The following NOVA2 variants were observed in gnomAD, a reference collection of about 807,000 sequenced individuals.
The protein encoded by NOVA2 is RNA-binding protein Nova-2.
NOVA2 carries 9 observed loss-of-function variants against 22.5 expected under a neutral mutation model. That is an observed-to-expected ratio of 0.40 (90% CI 0.24 to 0.70). NOVA2 has a LOEUF of 0.70. Among genes scored for constraint, NOVA2 ranks in the 30% least tolerant of loss-of-function variants. The probability of loss-of-function intolerance (pLI) is 0.38; values close to 1 mark genes in which losing one functional copy is unlikely to be tolerated. For synonymous variants in NOVA2, 318 were observed against 335.2 expected, an observed-to-expected ratio of 0.95 and a Z score of 0.56; for missense variants, 383 against 682.8, an observed-to-expected ratio of 0.56 and a Z score of 4.89.
chr19:45,943,717 C>CAA (rs35569023), intron 3 of NOVA2, among the ~76,000 whole-genome samples: 15 of 125,246 alleles, frequency 1.2e-4, no homozygotes, highest in Admixed American at 4.9e-4. Flanking sequence ...AACCCTGACT[C>CAA]AAAAAAAAAA....
At position 45,936,913 on chromosome 19, in the gene NOVA2, T is replaced by A. The variant is rs1232723171; in HGVS notation, c.*2950A>T. ...CGGGGAAAAAAAAAGAGATGATGGG[T>A]TTTTCAATAATCCTCATCCCTGACC... On this transcript the variant is annotated 3_prime_UTR_variant, in exon 4 of 4. Coordinates refer to ENST00000263257, the MANE Select transcript of NOVA2 (RefSeq NM_002516.4). 1 of 149,810 alleles carries A rather than the reference T, an allele frequency of 6.7e-6. No individual in the cohort carries two copies. Among genetic ancestry groups the A allele is most frequent in the Non-Finnish European group, 1.5e-5 (1 of 67,488 alleles). The allele number at this position is 149,810 out of a possible 1,614,324, so 9.3% of individuals were successfully genotyped here.
At chr19:45,941,159 G>T (rs1415394665) in intron 3 of NOVA2, among the ~76,000 whole-genome samples, 1 of 151,924 alleles carries the variant, frequency 6.6e-6, no homozygotes, top group African/African-American at 2.4e-5. Flanking sequence ...CTGTGTGTTG[G>T]CACATGCCTG....
At chr19:45,971,892 G>A (rs1008548401) in intron 1 of NOVA2, among the ~76,000 whole-genome samples, 16 of 151,954 alleles carry the variant, frequency 1.1e-4, no homozygotes, top group Middle Eastern at 3.2e-3. Flanking sequence ...AGAGTTCCCA[G>A]CTCGGCTTTT....
intron 3 of NOVA2, among the ~76,000 whole-genome samples, chr19:45,943,027 G>A (rs945078192): frequency 1.3e-5 from 2 of 149,720 alleles, no homozygotes; most frequent in African/African-American, 4.9e-5. Flanking sequence ...TCACAAGAAA[G>A]AGCTGTCCCA....
At chr19:45,946,315 T>A (rs780246565) in intron 3 of NOVA2, among the ~76,000 whole-genome samples, 5 of 152,082 alleles carry the variant, frequency 3.3e-5, no homozygotes, top group Admixed American at 6.6e-5. Flanking sequence ...GAAAAAGGAA[T>A]CTTCATTTAT....
In NOVA2 at chr19:45,934,029, G is replaced by A. The variant is rs1278270142; in HGVS notation, c.*5834C>T. ...AGGATGGAAGGAATCAGTTAGAGGG[G>A]GTTGAATGGAGGCACTGGAGGCATG... On this transcript the variant is annotated 3_prime_UTR_variant, in exon 4 of 4. Transcript: ENST00000263257. 1 of 152,470 alleles carries A rather than the reference G, an allele frequency of 6.6e-6. No individual in the cohort carries two copies. The highest frequency in any genetic ancestry group is 1.5e-5 in the Non-Finnish European group (1 of 68,252). The allele number at this position is 152,470 out of a possible 1,614,324, so 9.4% of individuals were successfully genotyped here. A position where few individuals can be genotyped will look rare whatever the true frequency, so the allele number is the denominator to read the frequency against.
intron 2 of NOVA2, among the ~76,000 whole-genome samples, chr19:45,958,348 A>C (rs1329587125): frequency 2.0e-5 from 3 of 149,776 alleles, no homozygotes; most frequent in Non-Finnish European, 3.0e-5. Context: ...GTAGACACCC[A>C]AGTGCTGTGT....
intron 1 of NOVA2, among the ~76,000 whole-genome samples, chr19:45,965,403 G>T (rs1193580255): frequency 6.6e-6 from 1 of 152,108 alleles, no homozygotes; most frequent in Non-Finnish European, 1.5e-5. Flanking sequence ...GAGAATTTTT[G>T]TATGAAACAG....
intron 3 of NOVA2, among the ~76,000 whole-genome samples, chr19:45,948,665 C>G (rs1967878662): frequency 6.6e-6 from 1 of 151,474 alleles, no homozygotes; most frequent in African/African-American, 2.4e-5. Context: ...ATTGTTATCC[C>G]CATGGATGGA....
intron 2 of NOVA2, among the ~76,000 whole-genome samples, chr19:45,958,724 A>G (rs894147504): frequency 6.6e-6 from 1 of 152,082 alleles, no homozygotes; most frequent in Non-Finnish European, 1.5e-5. Context: ...CAGTTTCTCC[A>G]CTGTCATTTC....
chr19:45,955,989 C>T lies in NOVA2; in HGVS notation c.230-2043G>A, dbSNP rs185304623. Among the ~76,000 whole-genome samples, 402 of 152,328 alleles carry T rather than the reference C, an allele frequency of 2.6e-3. 1 individual carries two copies. The highest frequency in any genetic ancestry group is 0.01 in the Middle Eastern group (3 of 294). ...GTCCAGCAAGCACTTCAGTGCAGCA[C>T]GCTGGTGACACGACCCTGACTCCTC... On this transcript the variant is annotated intron_variant, in intron 2 of 3. Coordinates refer to ENST00000263257, the MANE Select transcript of NOVA2 (RefSeq NM_002516.4).
At chr19:45,952,726 G>A (rs1967944268) in intron 3 of NOVA2, among the ~76,000 whole-genome samples, 1 of 152,188 alleles carries the variant, frequency 6.6e-6, no homozygotes, top group Non-Finnish European at 1.5e-5. Flanking sequence ...CGGGGAGCGA[G>A]GAGCTTCAGC....
At chr19:45,962,010 C>T (rs868135531) in intron 1 of NOVA2, among the ~76,000 whole-genome samples, 3 of 152,014 alleles carry the variant, frequency 2.0e-5, no homozygotes, top group Admixed American at 6.6e-5. Flanking sequence ...TGATGGGGCT[C>T]GCAGGCCACA....
At chr19:45,959,280 A>G (rs1228815484) in intron 2 of NOVA2, among the ~76,000 whole-genome samples, 1 of 151,786 alleles carries the variant, frequency 6.6e-6, no homozygotes, top group Non-Finnish European at 1.5e-5. Context: ...CTCATGCTGT[A>G]TGATCTGGAA....
chr19:45,959,305 G>A (rs1421559331), intron 2 of NOVA2, among the ~76,000 whole-genome samples: 2 of 152,200 alleles, frequency 1.3e-5, no homozygotes, highest in Non-Finnish European at 2.9e-5. Flanking sequence ...CACGCCAGGA[G>A]TGGGGATGGG....
At chr19:45,972,086 T>TCA (rs1007506955) in intron 1 of NOVA2, among the ~76,000 whole-genome samples, 68 of 151,958 alleles carry the variant, frequency 4.5e-4, no homozygotes, top group African/African-American at 1.3e-3. Context: ...CTCAGCCATT[T>TCA]CACACACACA....
At chr19:45,950,945 G>C (rs1379336621) in intron 3 of NOVA2, among the ~76,000 whole-genome samples, 1 of 152,214 alleles carries the variant, frequency 6.6e-6, no homozygotes, top group Non-Finnish European at 1.5e-5. Context: ...GTAATGAGCA[G>C]TAGAGTCAGG....
In NOVA2 at chr19:45,968,829, T is replaced by A. The variant is rs150419571; in HGVS notation, c.85+4438A>T. Among the ~76,000 whole-genome samples, 637 of 152,196 alleles carry A rather than the reference T, an allele frequency of 4.2e-3. 7 individuals are homozygous for A. Among genetic ancestry groups the A allele is most frequent in the African/African-American group, 0.015 (609 of 41,516 alleles). The stretch of plus-strand genomic sequence containing the variant: ...ATATGAATCCTGAAAGAGCTCATTC[T>A]AGGAGGGGCTCTTAACCTGGTGATG... On this transcript the variant is annotated intron_variant, in intron 1 of 3. Transcript: ENST00000263257.
chr19:45,941,964 G>T (rs1022319261), intron 3 of NOVA2, among the ~76,000 whole-genome samples: 1 of 152,080 alleles, frequency 6.6e-6, no homozygotes, highest in Admixed American at 6.6e-5. Context: ...CTAGTGTTAC[G>T]TACTCTGACT....
Sources: allele counts gnomAD v4.1 joint callset (sites outside exome capture counted in the v4.1 genomes callset), GRCh38; gene constraint gnomAD v4.1.1; transcripts MANE v1.5; gene names NCBI Gene and HGNC (gene_info 2026-07-23, HGNC 2026-07-21).